The following SMG1 variants were observed in gnomAD, a reference collection of about 807,000 sequenced individuals.
The protein encoded by SMG1 is serine/threonine-protein kinase SMG1.
In SMG1, 22 loss-of-function variants were observed where a neutral mutation model predicts 419.9. That is an observed-to-expected ratio of 0.05 (90% CI 0.04 to 0.07). The LOEUF is 0.07. Ranked by LOEUF, SMG1 falls within the 10% of genes least tolerant of loss-of-function variation. The probability of loss-of-function intolerance (pLI) is 1.00; values close to 1 mark genes in which losing one functional copy is unlikely to be tolerated. For missense variants in SMG1, 3,185 were observed against 4,342.0 expected (o/e 0.73, Z 7.49); for synonymous variants, 1,538 against 1,553.5 (o/e 0.99, Z 0.23).
intron 56 of SMG1, among the ~76,000 whole-genome samples, chr16:18,818,513 A>G (rs1358508199): frequency 6.6e-6 from 1 of 152,076 alleles, no homozygotes; most frequent in Non-Finnish European, 1.5e-5. Context: ...AGCTAAAGGG[A>G]CATACCACCA....
In SMG1 at chr16:18,860,757, A is replaced by C; in HGVS notation, c.3715T>G (p.Ser1239Ala). 6.6e-7 allele frequency: 1 copy of C among 1,514,172 alleles called. No individual in the cohort carries two copies. Among genetic ancestry groups the C allele is most frequent in the Non-Finnish European group, 9.0e-7 (1 of 1,112,536 alleles). 93.8% of individuals were successfully genotyped at this position (1,514,172 alleles called of 1,614,324 possible). A position where few individuals can be genotyped will look rare whatever the true frequency, so the allele number is the denominator to read the frequency against. Reference sequence around the variant, plus strand: ...TCGGTACATTCAACAAATTTTCCAGACTCAAAGCTGCTTAATGATCTGTAA... The same window carrying C: ...TCGGTACATTCAACAAATTTTCCAGCCTCAAAGCTGCTTAATGATCTGTAA... ...NYIKSLSSFE[S>A]GKFVECTEQL... The change falls in exon 26 of 63, where the codon TCT becomes GCT. Residue 1239 changes from serine to alanine, a missense_variant. Ser to Ala is a moderately conservative substitution (Grantham distance 99). Coordinates refer to ENST00000446231, the MANE Select transcript of SMG1 (RefSeq NM_015092.5).
intron 11 of SMG1, 151 bp from the exon 12 acceptor site, chr16:18,877,383 C>T (rs1196387447): frequency 1.0e-5 from 5 of 500,142 alleles, no homozygotes; most frequent in African/African-American, 9.7e-5. Flanking sequence ...AAAGGCAAAA[C>T]GACGGAGACA....
Position 18,809,520 on chromosome 16 carries a change from TG to T in SMG1, c.*48del. The T allele has an allele frequency of 7.0e-7, 1 of 1,419,344 alleles. No homozygotes were observed. The highest frequency in any genetic ancestry group is 9.9e-7 in the Non-Finnish European group (1 of 1,014,290). 87.9% of individuals were successfully genotyped at this position (1,419,344 alleles called of 1,614,324 possible). On this transcript the variant is annotated 3_prime_UTR_variant, in exon 63 of 63. Transcript: ENST00000446231. ...TGGATGCCTGAGGCTGAGTTGATTC[TG>T]GTGGATGTCTGACCTCGCTTAACCA...
intron 26 of SMG1, among the ~76,000 whole-genome samples, chr16:18,860,400 A>G (rs1247392513): frequency 2.0e-5 from 3 of 152,194 alleles, no homozygotes; most frequent in Non-Finnish European, 4.4e-5. Context: ...ATTTAGCTGA[A>G]ACACTACTTT....
At chr16:18,852,571 A>C in intron 31 of SMG1, 109 bp from the exon 32 acceptor site, 15 of 963,678 alleles carry the variant, frequency 1.6e-5, no homozygotes, top group Non-Finnish European at 2.2e-5. Flanking sequence ...TCTGCAAGCA[A>C]TCAAAAGTTC....
chr16:18,815,151 C>T (rs868079390), intron 60 of SMG1, 24 bp downstream of exon 60: 3 of 1,447,046 alleles, frequency 2.1e-6, no homozygotes, highest in Non-Finnish European at 2.9e-6. Flanking sequence ...AACAACAGAT[C>T]AAGACTCAGG....
intron 60 of SMG1, among the ~76,000 whole-genome samples, chr16:18,812,647 T>TATACACATATACAC (rs67600193): frequency 1.7e-3 from 212 of 127,750 alleles, no homozygotes; most frequent in African/African-American, 5.3e-3. Flanking sequence ...TATACACATA[T>TATACACATATACAC]ACACACACAC....
intron 1 of SMG1, among the ~76,000 whole-genome samples, chr16:18,897,407 G>T (rs1287882454): frequency 6.6e-6 from 1 of 152,106 alleles, no homozygotes; most frequent in Non-Finnish European, 1.5e-5. Flanking sequence ...AAAAAACACT[G>T]GCAGCATGTC....
chr16:18,886,340 T>C (rs567845849), intron 6 of SMG1, among the ~76,000 whole-genome samples: 3 of 152,334 alleles, frequency 2.0e-5, no homozygotes, highest in East Asian at 3.9e-4. Flanking sequence ...GTTACCATTA[T>C]ACATAAATTT....
chr16:18,811,981 T>C lies in SMG1; in HGVS notation c.10768A>G (p.Lys3590Glu). The change falls in exon 61 of 63, where the codon AAA becomes GAA. Residue 3590 changes from lysine to glutamate, a missense_variant. Physicochemically the swap from Lys to Glu is moderately conservative, Grantham distance 56 (BLOSUM62 1). Transcript: ENST00000446231. Reference protein sequence around the residue: ...GTGKSVACSPKKAVRDPKTGK... With the variant: ...GTGKSVACSPEKAVRDPKTGK... ...GTTTTAGGGTCTCTGACTGCCTTTT[T>C]AGGACTACAAGCAACACTCTTGCCA... The C allele has an allele frequency of 6.2e-7, 1 of 1,613,966 alleles. No homozygotes were observed.
At chr16:18,887,795 A>C (rs1215785337) in intron 6 of SMG1, among the ~76,000 whole-genome samples, 4 of 124,056 alleles carry the variant, frequency 3.2e-5, no homozygotes, top group Admixed American at 1.6e-4. Context: ...AAAAAAAAAA[A>C]AAAACCCTAA....
chr16:18,860,111 A>T (rs1002627850), intron 26 of SMG1, among the ~76,000 whole-genome samples: 2 of 152,078 alleles, frequency 1.3e-5, no homozygotes, highest in African/African-American at 4.8e-5. Context: ...CCAGCTACTC[A>T]GGAGGCTGAG....
rs745932727 is a variant in SMG1, at chr16:18,842,320, A to G, written c.6354T>C (p.Thr2118=). ...TTCCGCCCACACTATGGATTGTGACAGTGTCTCTGGCTGAGACTTCCCCAG... is the reference window on the plus strand; with the variant it reads ...TTCCGCCCACACTATGGATTGTGACGGTGTCTCTGGCTGAGACTTCCCCAG... The part of the protein sequence containing the change: ...ALPGEVSARD[T]VTIHSVGGTI... Residue 2118 remains threonine (T), a synonymous_variant, in exon 40 of 63, where the codon ACT becomes ACC. Coordinates refer to ENST00000446231, the MANE Select transcript of SMG1 (RefSeq NM_015092.5). 10 of 1,614,050 alleles carry G rather than the reference A, an allele frequency of 6.2e-6. No individual in the cohort carries two copies. Among genetic ancestry groups the G allele is most frequent in the Non-Finnish European group, 8.5e-6 (10 of 1,179,890 alleles).
Position 18,850,240 on chromosome 16 carries a change from A to G in SMG1, c.5280T>C (p.Gly1760=), listed in dbSNP as rs1399938548. The G allele has an allele frequency of 1.2e-6, 2 of 1,607,328 alleles. No homozygotes were observed. The highest frequency in any genetic ancestry group is 1.3e-5 in the African/African-American group (1 of 74,870). ...CTTAGAACACTGTGCTACATACTTG[A>G]CCAGCGTTGAGTTTAAGGAAAGTAA... ...AYFTFLKLNA[G]QIPLDEDDPR... Residue 1760 remains glycine (G), a synonymous_variant, in exon 34 of 63, where the codon GGT becomes GGC. Transcript: ENST00000446231.
chr16:18,894,499 T>C (rs1032147975), intron 3 of SMG1, among the ~76,000 whole-genome samples: 4 of 152,138 alleles, frequency 2.6e-5, no homozygotes, highest in Non-Finnish European at 4.4e-5. Context: ...GCTGTTTAGC[T>C]TCTATAATAT....
chr16:18,904,324 AAAAAAAC>A lies in SMG1; in HGVS notation c.93-7375_93-7369del, dbSNP rs552963548. Among the ~76,000 whole-genome samples the A allele has an allele frequency of 5.3e-4, 81 of 151,924 alleles. No homozygotes were observed. The East Asian group carries it at 5.5e-3, about 10-fold the overall frequency. ...GAGCACTCTCAAAAGTCTTACTTTAAAAAAAACAAAAAACAAAAAACAAAAAATGGCC... is the reference window on the plus strand; with the variant it reads ...GAGCACTCTCAAAAGTCTTACTTTAAAAAAAACAAAAAACAAAAAATGGCC... On this transcript the variant is annotated intron_variant, in intron 1 of 62. Transcript: ENST00000446231.
At chr16:18,830,412 A>G in intron 51 of SMG1, 43 bp from the exon 52 acceptor site, 1 of 1,605,610 alleles carries the variant, frequency 6.2e-7, no homozygotes, top group Non-Finnish European at 8.5e-7. Flanking sequence ...CTGAAAAGTA[A>G]TGCCTTTGGT....
At chr16:18,908,741 G>A (rs184136570) in intron 1 of SMG1, among the ~76,000 whole-genome samples, 9 of 152,032 alleles carry the variant, frequency 5.9e-5, no homozygotes, top group East Asian at 2.0e-4. Context: ...TTAGCCAGGC[G>A]TGGTGGCAGG....
chr16:18,868,384 A>C, intron 21 of SMG1, 30 bp from the exon 22 acceptor site: 1 of 1,178,970 alleles, frequency 8.5e-7, no homozygotes, highest in Non-Finnish European at 1.2e-6. Context: ...AAAGCTCAGG[A>C]CTGGTTCAAT....
Sources: allele counts gnomAD v4.1 joint callset (sites outside exome capture counted in the v4.1 genomes callset), GRCh38; gene constraint gnomAD v4.1.1; transcripts MANE v1.5; gene names NCBI Gene and HGNC (gene_info 2026-07-23, HGNC 2026-07-21).